The following WNK1 variants were observed in gnomAD, a reference collection of about 807,000 sequenced individuals.
WNK1 encodes WNK lysine deficient protein kinase 1, also known as serine/threonine-protein kinase WNK1.
A neutral mutation model predicts 222.8 loss-of-function variants in WNK1; 38 were observed. The ratio of observed to expected loss-of-function variants is 0.17; its 90% confidence interval spans 0.13 to 0.22. WNK1 has a LOEUF of 0.22. Among genes scored for constraint, WNK1 ranks in the 10% least tolerant of loss-of-function variants. The probability of loss-of-function intolerance (pLI) is 1.00; values close to 1 mark genes in which losing one functional copy is unlikely to be tolerated. For missense variants in WNK1, 2,348 were observed against 2,918.4 expected, an observed-to-expected ratio of 0.80 and a Z score of 4.50; for synonymous variants, 1,090 against 1,092.9, an observed-to-expected ratio of 1.00 and a Z score of 0.05.
chr12:855,350 G>T (rs961925761), intron 4 of WNK1, among the ~76,000 whole-genome samples: 4 of 152,194 alleles, frequency 2.6e-5, no homozygotes, highest in Non-Finnish European at 5.9e-5. Flanking sequence ...GTTCCTTGCT[G>T]TGAAAAGTTA....
At chr12:755,323 C>A (rs746039308) in intron 1 of WNK1, among the ~76,000 whole-genome samples, 15 of 152,084 alleles carry the variant, frequency 9.9e-5, no homozygotes, top group Non-Finnish European at 1.9e-4. Context: ...GTAATCTTGC[C>A]AAGAATATAG....
intron 1 of WNK1, among the ~76,000 whole-genome samples, chr12:764,296 A>G (rs1941398814): frequency 6.8e-6 from 1 of 147,650 alleles, no homozygotes; most frequent in Non-Finnish European, 1.5e-5. Context: ...AACAAGTAGT[A>G]AAGAAATGTA....
intron 2 of WNK1, among the ~76,000 whole-genome samples, chr12:818,356 C>T (rs569051298): frequency 3.0e-4 from 45 of 152,272 alleles, no homozygotes; most frequent in African/African-American, 9.9e-4. Flanking sequence ...CTGCTCCCAC[C>T]GCTGCCTCTG....
rs1424445247 is a variant in WNK1, at chr12:908,462, G to A, written c.6832-13G>A. ...CCCACACCAGACTTGACACGTGGTG[G>A]TTTTGTTTTCAGGGCCCTGGAATGG... On this transcript the variant is annotated splice_polypyrimidine_tract_variant and intron_variant, in intron 27 of 27. Transcript: ENST00000315939. The A allele has an allele frequency of 2.5e-6, 4 of 1,614,060 alleles. No homozygotes were observed. The highest frequency in any genetic ancestry group is 3.4e-6 in the Non-Finnish European group (4 of 1,180,034).
At chr12:771,689 C>T (rs1213829352) in intron 1 of WNK1, among the ~76,000 whole-genome samples, 1 of 152,172 alleles carries the variant, frequency 6.6e-6, no homozygotes, top group Non-Finnish European at 1.5e-5. Context: ...CCCGCCTCGG[C>T]CTCCCAAAGT....
intron 9 of WNK1, among the ~76,000 whole-genome samples, chr12:874,554 C>G (rs17223420): frequency 0.15 from 22,721 of 152,028 alleles, 1,706 homozygotes; most frequent in Admixed American, 0.2. Flanking sequence ...TAATTGAGTT[C>G]AGATACTGAA....
intron 10 of WNK1, among the ~76,000 whole-genome samples, chr12:878,785 G>GTTTTTTTTTT (rs201321240): frequency 1.6e-5 from 2 of 123,230 alleles, no homozygotes. Flanking sequence ...TGTGTGGAAT[G>GTTTTTTTTTT]TTTTTTTTTC....
chr12:831,934 C>A (rs981231845), intron 4 of WNK1, among the ~76,000 whole-genome samples: 6 of 151,850 alleles, frequency 4.0e-5, no homozygotes, highest in Non-Finnish European at 8.8e-5. Flanking sequence ...TGTTATATTG[C>A]ACCGAGAAGC....
At chr12:891,556 TATATC>T (rs1954230513) in intron 22 of WNK1, among the ~76,000 whole-genome samples, 1 of 151,842 alleles carries the variant, frequency 6.6e-6, no homozygotes, top group South Asian at 2.1e-4. Flanking sequence ...GATGAAATAT[TATATC>T]ATAAAATAGT....
At chr12:789,825 G>T (rs1272276312) in intron 1 of WNK1, among the ~76,000 whole-genome samples, 1 of 152,096 alleles carries the variant, frequency 6.6e-6, no homozygotes, top group East Asian at 1.9e-4. Context: ...TGTATTTCAG[G>T]CTAATGCCCC....
At chr12:890,408 A>C in intron 21 of WNK1, 45 bp from the exon 22 acceptor site, 1 of 1,613,082 alleles carries the variant, frequency 6.2e-7, no homozygotes, top group Admixed American at 1.7e-5. Context: ...AGTTTGAGTG[A>C]CTGAAGCTAA....
chr12:817,633 T>A (rs1947469768), intron 2 of WNK1, among the ~76,000 whole-genome samples: 1 of 152,082 alleles, frequency 6.6e-6, no homozygotes, highest in African/African-American at 2.4e-5. Context: ...GATGGGAATG[T>A]ATGAGTCAGA....
intron 8 of WNK1, among the ~76,000 whole-genome samples, chr12:862,881 T>C (rs1327125764): frequency 1.3e-5 from 2 of 152,240 alleles, no homozygotes; most frequent in Non-Finnish European, 2.9e-5. Flanking sequence ...GTTTTATTAC[T>C]GATTTATTTT....
chr12:906,739 T>C (rs1592273520), intron 26 of WNK1: 1 of 985,180 alleles, frequency 1.0e-6, no homozygotes, highest in African/African-American at 1.7e-5. Context: ...ATTACCTCTC[T>C]CTATTTAAAG....
At chr12:769,067 C>A (rs570130338) in intron 1 of WNK1, among the ~76,000 whole-genome samples, 22 of 152,244 alleles carry the variant, frequency 1.4e-4, no homozygotes, top group African/African-American at 4.6e-4. Flanking sequence ...CTCAGCCTCC[C>A]AAACTGCTGG....
In WNK1 at chr12:848,649, G is replaced by T. The variant is rs371783585; in HGVS notation, c.1312-8512G>T. 5.3e-5 allele frequency among the ~76,000 whole-genome samples: 8 copies of T among 151,902 alleles called. No individual in the cohort carries two copies. In the East Asian group the frequency reaches 1.4e-3, roughly 26 times the overall value. ...AATAGTAGTACTTAAATATTGTGGGGGAAGAAGCATCCAATGATGACTAAG... is the reference window on the plus strand; with the variant it reads ...AATAGTAGTACTTAAATATTGTGGGTGAAGAAGCATCCAATGATGACTAAG... On this transcript the variant is annotated intron_variant, in intron 4 of 27. Transcript: ENST00000315939.
At chr12:760,270 A>G (rs1940831421) in intron 1 of WNK1, among the ~76,000 whole-genome samples, 1 of 147,780 alleles carries the variant, frequency 6.8e-6, no homozygotes, top group African/African-American at 2.4e-5. Flanking sequence ...TTTATTTATC[A>G]TATTGAAATT....
chr12:804,585 C>G (rs756925484), intron 1 of WNK1, among the ~76,000 whole-genome samples: 1 of 152,136 alleles, frequency 6.6e-6, no homozygotes, highest in Non-Finnish European at 1.5e-5. Context: ...GTTGACCATG[C>G]TGGTCTCAAA....
rs758676601 is a variant in WNK1, at chr12:753,729, G to A, written c.164G>A (p.Arg55Lys). 6 of 1,612,014 alleles carry A rather than the reference G, an allele frequency of 3.7e-6. No homozygotes were observed. The highest frequency in any genetic ancestry group is 1.3e-5 in the African/African-American group (1 of 74,930). The change falls in exon 1 of 28, where the codon AGG (arginine) becomes AAG (lysine). Residue 55 changes from arginine to lysine, a missense_variant. Transcript: ENST00000315939. The surrounding 1 kb of genome is among the most constrained non-coding windows in gnomAD (Gnocchi z 5.2). ...DAVTGRTEEY[R>K]RRRHTMDKDS... ...GTGACCGGCAGGACCGAGGAGTACA[G>A]GCGCCGCCGCCACACTATGGACAAG... is the stretch of plus-strand genomic sequence containing the variant.
Sources: allele counts gnomAD v4.1 joint callset (sites outside exome capture counted in the v4.1 genomes callset), GRCh38; gene constraint gnomAD v4.1.1; non-coding constraint Gnocchi (gnomAD v3.1); transcripts MANE v1.5; gene names NCBI Gene and HGNC (gene_info 2026-07-23, HGNC 2026-07-21).